The following HOXB3 variants were observed in gnomAD, a reference collection of about 807,000 sequenced individuals.
HOXB3 encodes homeobox protein Hox-B3.
HOXB3 carries 17 observed loss-of-function variants against 29.2 expected under a neutral mutation model. That is an observed-to-expected ratio of 0.58 (90% CI 0.40 to 0.87). The LOEUF (loss-of-function observed/expected upper bound fraction) is 0.87. Among genes scored for constraint, HOXB3 ranks in the 40% least tolerant of loss-of-function variants. HOXB3 has a pLI of 0.00. For missense variants in HOXB3, 637 were observed against 616.3 expected (o/e 1.03, Z -0.35); for synonymous variants, 317 against 285.9 (o/e 1.11, Z -1.10).
chr17:48,574,656 G>T (rs1359931313), intron 1 of HOXB3, among the ~76,000 whole-genome samples: 2 of 152,096 alleles, frequency 1.3e-5, no homozygotes, highest in East Asian at 3.8e-4. Flanking sequence ...TGAGGCTGGA[G>T]CCCCCAGACC....
Position 48,554,493 on chromosome 17 carries a change from G to C in HOXB3, c.-159+1038C>G. The stretch of plus-strand genomic sequence containing the variant: ...AGCGAAGGAGCCAGAGACGCGATAG[G>C]AAAGAATGGAGACTCCGCCGGTGGT... On this transcript the variant is annotated intron_variant, in intron 3 of 4. Coordinates refer to ENST00000498678, the MANE Select transcript of HOXB3 (RefSeq NM_001384749.1). The surrounding 1 kb of genome is among the most constrained non-coding windows in gnomAD (Gnocchi z 4.1). The C allele has an allele frequency of 3.2e-6, 2 of 619,268 alleles. No homozygotes were observed. The highest frequency in any genetic ancestry group is 5.8e-6 in the Non-Finnish European group (2 of 347,522). 38.4% of individuals were successfully genotyped at this position (619,268 alleles called of 1,614,324 possible).
rs1161045039 is a variant in HOXB3, at chr17:48,554,731, G to A, written c.-159+800C>T. On this transcript the variant is annotated intron_variant, in intron 3 of 4. Transcript: ENST00000498678. The surrounding 1 kb of genome is among the most constrained non-coding windows in gnomAD (Gnocchi z 4.1). ...ACCAGCCGGCCGAGGGCCGAGCCCC[G>A]CGGGCGGCAGCAAGTTTTGGGAGCT... 4.3e-6 allele frequency: 3 copies of A among 702,274 alleles called. No individual in the cohort carries two copies. Among genetic ancestry groups the A allele is most frequent in the African/African-American group, 3.5e-5 (2 of 57,272 alleles). The allele number at this position is 702,274 out of a possible 1,614,324, so 43.5% of individuals were successfully genotyped here.
chr17:48,550,740 G>C lies in HOXB3; in HGVS notation c.890C>G (p.Ala297Gly), dbSNP rs1367900548. 1 of 1,583,874 alleles carries C rather than the reference G, an allele frequency of 6.3e-7. No homozygotes were observed. Among genetic ancestry groups the C allele is most frequent in the Admixed American group, 1.7e-5 (1 of 57,722 alleles). ...GGGCAGCGCGTAGGCATTCTGGTGGGCTTTACCGAAGGCGGGTGGGGACGG... is the reference window on the plus strand; with the variant it reads ...GGGCAGCGCGTAGGCATTCTGGTGGCCTTTACCGAAGGCGGGTGGGGACGG... ...ESPSPPAFGK[A>G]HQNAYALPSN... The change falls in exon 5 of 5, where the codon GCC becomes GGC. Residue 297 changes from alanine to glycine, a missense_variant. Ala to Gly is a moderately conservative substitution (Grantham distance 60). Coordinates refer to ENST00000498678, the MANE Select transcript of HOXB3 (RefSeq NM_001384749.1).
At chr17:48,582,573 C>T (rs1216173102) in intron 1 of HOXB3, 1 of 152,156 alleles carries the variant, frequency 6.6e-6, no homozygotes, top group Non-Finnish European at 1.5e-5. Flanking sequence ...GACGCCGTGA[C>T]CTGCGGTTCA....
chr17:48,570,646 C>A (rs1248235699), intron 2 of HOXB3, among the ~76,000 whole-genome samples: 1 of 152,200 alleles, frequency 6.6e-6, no homozygotes, highest in Non-Finnish European at 1.5e-5. Flanking sequence ...ACCCCGGTGT[C>A]GGCCTCGGAG....
chr17:48,552,803 A>C (rs954379724), intron 3 of HOXB3, 171 bp from the exon 4 acceptor site: 7 of 304,044 alleles, frequency 2.3e-5, no homozygotes, highest in Admixed American at 1.3e-4. Flanking sequence ...TCCACTAAAA[A>C]ATAAAAAAAT....
At chr17:48,587,502 G>A (rs115032325) in intron 1 of HOXB3, among the ~76,000 whole-genome samples, 1 of 152,150 alleles carries the variant, frequency 6.6e-6, no homozygotes, top group Non-Finnish European at 1.5e-5. Flanking sequence ...ACTGAGTTTG[G>A]GGGGGTTGTG....
At position 48,573,985 on chromosome 17, in the gene HOXB3, T is replaced by A; in HGVS notation, c.-395A>T. ...TCCGGGAGAGACGGCTAACACTTTT[T>A]TCCCCCAACAGCCGGTCCAAGGAGA... On this transcript the variant is annotated 5_prime_UTR_variant, in exon 2 of 5. Coordinates refer to ENST00000498678, the MANE Select transcript of HOXB3 (RefSeq NM_001384749.1). The A allele has an allele frequency of 1.5e-6, 1 of 674,296 alleles. No individual in the cohort carries two copies. The highest frequency in any genetic ancestry group is 2.7e-6 in the Non-Finnish European group (1 of 371,960). The allele number at this position is 674,296 out of a possible 1,614,324, so 41.8% of individuals were successfully genotyped here.
chr17:48,576,650 T>TACCCCC, intron 1 of HOXB3: 1 of 567,770 alleles, frequency 1.8e-6, no homozygotes, highest in East Asian at 5.2e-5. Flanking sequence ...CCCCCTCCTG[T>TACCCCC]CCCCCCACCC....
At chr17:48,577,829 G>A in intron 1 of HOXB3, 2 of 1,385,200 alleles carry the variant, frequency 1.4e-6, no homozygotes, top group Non-Finnish European at 1.9e-6. Context: ...AAAGCTCCAG[G>A]GGTGGGAGGG....
intron 1 of HOXB3, chr17:48,576,395 C>T (rs2069762697): frequency 1.7e-5 from 4 of 230,920 alleles, no homozygotes; most frequent in Admixed American, 1.6e-4. Flanking sequence ...AAGCTGAAAA[C>T]GAGGAGCTGC....
At position 48,551,141 on chromosome 17, in the gene HOXB3, T is replaced by A; in HGVS notation, c.489A>T (p.Gly163=). ...CACCGCCCCCGCTGCCACCACTGCC[T>A]CCGCCGCCGCCGCCACCGCCGCCGC... is the stretch of plus-strand genomic sequence containing the variant. The part of the protein sequence containing the change: ...CGGGGGGGGG[G]GSGGSGGGGG... Residue 163 remains glycine (G), a synonymous_variant, in exon 5 of 5, where the codon GGA becomes GGT. Transcript: ENST00000498678. The A allele has an allele frequency of 7.6e-7, 1 of 1,307,288 alleles. No individual in the cohort carries two copies. The allele number at this position is 1,307,288 out of a possible 1,614,324, so 81.0% of individuals were successfully genotyped here.
At position 48,552,119 on chromosome 17, in the gene HOXB3, G is replaced by A; in HGVS notation, c.356C>T (p.Pro119Leu). 6.2e-7 allele frequency: 1 copy of A among 1,613,824 alleles called. No individual in the cohort carries two copies. The part of the protein sequence containing the change: ...PSKSGPPKCG[P>L]GTNSTLTKQI... Reference sequence around the variant, plus strand: ...TTTGGTGAGGGTGGAGTTGGTGCCGGGACCGCACTTTGGGGGACCACTTTT... The same window carrying A: ...TTTGGTGAGGGTGGAGTTGGTGCCGAGACCGCACTTTGGGGGACCACTTTT... Residue 119 changes from proline to leucine, a missense_variant, in exon 4 of 5, where the codon CCC (proline) becomes CTC (leucine). Coordinates refer to ENST00000498678, the MANE Select transcript of HOXB3 (RefSeq NM_001384749.1).
intron 1 of HOXB3, among the ~76,000 whole-genome samples, chr17:48,586,424 C>T (rs1461560933): frequency 1.3e-5 from 2 of 152,170 alleles, no homozygotes; most frequent in Non-Finnish European, 2.9e-5. Context: ...GTGCCCCCAC[C>T]CCCGGTCTAC....
chr17:48,570,463 A>C (rs1331534486), intron 2 of HOXB3, among the ~76,000 whole-genome samples: 1 of 152,204 alleles, frequency 6.6e-6, no homozygotes, highest in African/African-American at 2.4e-5. Context: ...GGAGGCAGCC[A>C]GGACCACAGC....
intron 1 of HOXB3, among the ~76,000 whole-genome samples, chr17:48,584,969 CA>C (rs1400378822): frequency 5.0e-4 from 76 of 150,614 alleles, no homozygotes; most frequent in African/African-American, 1.7e-3. Context: ...CCCACTCACG[CA>C]TGGTGTAAAC....
Position 48,554,838 on chromosome 17 carries a change from G to T in HOXB3, c.-159+693C>A, listed in dbSNP as rs955721043. ...AGGGCTCCGGGTTGGAGGGCGCCGA[G>T]GCCTGGCGGACGGGACAGTGGGAAG... is the stretch of plus-strand genomic sequence containing the variant. On this transcript the variant is annotated intron_variant, in intron 3 of 4. Transcript: ENST00000498678. This position sits in a 1 kb window ranked among gnomAD's most constrained non-coding sequence, Gnocchi z 4.1. The T allele has an allele frequency of 5.7e-6, 4 of 702,238 alleles. No homozygotes were observed. Among genetic ancestry groups the T allele is most frequent in the Non-Finnish European group, 1.0e-5 (4 of 384,832 alleles). The allele number at this position is 702,238 out of a possible 1,614,324, so 43.5% of individuals were successfully genotyped here.
intron 1 of HOXB3, chr17:48,577,720 C>T (rs773359561): frequency 5.8e-5 from 41 of 708,274 alleles, no homozygotes; most frequent in Non-Finnish European, 7.7e-5. Flanking sequence ...TGAAAACAGG[C>T]GACCGTAAAT....
chr17:48,583,756 C>T (rs1253528713), intron 1 of HOXB3, among the ~76,000 whole-genome samples: 1 of 152,238 alleles, frequency 6.6e-6, no homozygotes, highest in Non-Finnish European at 1.5e-5. Flanking sequence ...CAGGCTTTGA[C>T]ATCTGTCTCT....
Sources: gnomAD v4.1 joint callset for allele counts (sites outside exome capture counted in the v4.1 genomes callset) on GRCh38, gnomAD v4.1.1 for gene constraint, Gnocchi (gnomAD v3.1) non-coding constraint, MANE v1.5 for transcripts, NCBI Gene and HGNC (gene_info 2026-07-23, HGNC 2026-07-21) for gene names.